The following DOK6 variants were observed in gnomAD, a reference collection of about 807,000 sequenced individuals.
DOK6 encodes downstream of tyrosine kinase 6.
A neutral mutation model predicts 44.0 loss-of-function variants in DOK6; 22 were observed. The observed-to-expected ratio is 0.50, with a 90% CI of 0.36 to 0.71. DOK6 has a LOEUF of 0.71. Among genes scored for constraint, DOK6 ranks in the 30% least tolerant of loss-of-function variants. DOK6 has a pLI of 0.00. For synonymous variants in DOK6, 166 were observed against 145.5 expected, an observed-to-expected ratio of 1.14 and a Z score of -1.01; for missense variants, 340 against 416.4, an observed-to-expected ratio of 0.82 and a Z score of 1.60.
intron 1 of DOK6, among the ~76,000 whole-genome samples, chr18:69,434,793 C>G (rs1450753704): frequency 6.6e-6 from 1 of 151,486 alleles, no homozygotes; most frequent in African/African-American, 2.4e-5. Flanking sequence ...ACTGTGGCAC[C>G]CGCCTGTAAT....
chr18:69,530,918 T>C (rs985872905), intron 1 of DOK6, among the ~76,000 whole-genome samples: 5 of 152,184 alleles, frequency 3.3e-5, no homozygotes, highest in African/African-American at 1.2e-4. Flanking sequence ...TGTAGGTCTC[T>C]AAGGACTTGC....
intron 1 of DOK6, among the ~76,000 whole-genome samples, chr18:69,529,270 C>T (rs914328646): frequency 6.6e-6 from 1 of 151,978 alleles, no homozygotes; most frequent in Non-Finnish European, 1.5e-5. Context: ...TTTTTTCCCT[C>T]ACCCTCCTAT....
intron 1 of DOK6, among the ~76,000 whole-genome samples, chr18:69,432,579 G>C (rs1978838643): frequency 6.6e-6 from 1 of 152,058 alleles, no homozygotes; most frequent in South Asian, 2.1e-4. Flanking sequence ...GAGAAGAGAG[G>C]GAATGAATAT....
chr18:69,625,423 A>G (rs184121256), intron 3 of DOK6, among the ~76,000 whole-genome samples: 1 of 152,260 alleles, frequency 6.6e-6, no homozygotes, highest in African/African-American at 2.4e-5. Flanking sequence ...TTCTGCTTTT[A>G]AAGATATGTT....
rs764965682 is a variant in DOK6, at chr18:69,846,175, C to T, written c.*4792C>T. On this transcript the variant is annotated 3_prime_UTR_variant, in exon 8 of 8. Coordinates refer to ENST00000382713, the MANE Select transcript of DOK6 (RefSeq NM_152721.6). Reference sequence around the variant, plus strand: ...TTTATAGACTCTTATGGAAGTTGGGCACATTTCCCAGGCAGGTGGAATGCT... The same window carrying T: ...TTTATAGACTCTTATGGAAGTTGGGTACATTTCCCAGGCAGGTGGAATGCT... The T allele has an allele frequency of 6.6e-6, 1 of 152,214 alleles. No individual in the cohort carries two copies. Among genetic ancestry groups the T allele is most frequent in the Non-Finnish European group, 1.5e-5 (1 of 68,060 alleles). The allele number at this position is 152,214 out of a possible 1,614,324, so 9.4% of individuals were successfully genotyped here.
At chr18:69,819,683 G>A (rs1444563871) in intron 7 of DOK6, among the ~76,000 whole-genome samples, 9 of 152,006 alleles carry the variant, frequency 5.9e-5, no homozygotes, top group Non-Finnish European at 4.4e-5. Context: ...CCTCCTGCCC[G>A]TAGACCTTGA....
rs1421232498 is a variant in DOK6 at position 69,698,597 on chromosome 18, A to G, written c.599+4A>G. ...GGTTCACGTTTGAGTCAGGAAGGTA[A>G]GATCTAGTGCAGCAGCCAAGTGCAG... On this transcript the variant is annotated splice_donor_region_variant and intron_variant, in intron 5 of 7. Transcript: ENST00000382713. The G allele has an allele frequency of 6.2e-7, 1 of 1,612,278 alleles. No individual in the cohort carries two copies. The highest frequency in any genetic ancestry group is 8.5e-7 in the Non-Finnish European group (1 of 1,179,302).
chr18:69,701,185 T>C (rs546571959), intron 5 of DOK6, among the ~76,000 whole-genome samples: 2 of 152,344 alleles, frequency 1.3e-5, no homozygotes, highest in Admixed American at 1.3e-4. Context: ...TATAATTATA[T>C]GCCATAAGTC....
chr18:69,758,457 G>T (rs1364390406), intron 7 of DOK6, among the ~76,000 whole-genome samples: 1 of 143,886 alleles, frequency 6.9e-6, no homozygotes, highest in East Asian at 2.1e-4. Flanking sequence ...CTTGCCAGAT[G>T]AATCAAATTA....
chr18:69,564,516 G>A lies in DOK6; in HGVS notation c.96G>A (p.Lys32=), dbSNP rs1982922672. 1.9e-6 allele frequency: 3 copies of A among 1,613,844 alleles called. No individual in the cohort carries two copies. Among genetic ancestry groups the A allele is most frequent in the Non-Finnish European group, 1.7e-6 (2 of 1,179,890 alleles). The change falls in exon 2 of 8, where the codon AAG becomes AAA. Residue 32 remains lysine, a synonymous_variant. Transcript: ENST00000382713. ...TCAGACGATGCTGGTTGGTTTTCAAGAAGGCTTCTAGCAAAGGACCCAGAA... is the reference window on the plus strand; with the variant it reads ...TCAGACGATGCTGGTTGGTTTTCAAAAAGGCTTCTAGCAAAGGACCCAGAA... ...GIFRRCWLVF[K]KASSKGPRRL... is the part of the protein sequence containing the mutation.
At chr18:69,605,831 A>G (rs1983981799) in intron 3 of DOK6, among the ~76,000 whole-genome samples, 1 of 152,192 alleles carries the variant, frequency 6.6e-6, no homozygotes, top group African/African-American at 2.4e-5. Context: ...GAAGACGGAA[A>G]GCTTTCCTGC....
chr18:69,471,210 A>G (rs1213361146), intron 1 of DOK6, among the ~76,000 whole-genome samples: 3 of 131,154 alleles, frequency 2.3e-5, no homozygotes, highest in Admixed American at 9.3e-5. Flanking sequence ...AGATCGCGCC[A>G]TTGCACTCTA....
At chr18:69,724,353 T>C (rs149042365) in intron 5 of DOK6, among the ~76,000 whole-genome samples, 18 of 152,308 alleles carry the variant, frequency 1.2e-4, no homozygotes, top group African/African-American at 2.9e-4. Flanking sequence ...AATCTTTTGT[T>C]CATAGAGAAG....
chr18:69,482,072 T>A (rs1426125889), intron 1 of DOK6, among the ~76,000 whole-genome samples: 1 of 152,196 alleles, frequency 6.6e-6, no homozygotes, highest in Non-Finnish European at 1.5e-5. Context: ...ATGGGGTTGT[T>A]TGTTTTTTTC....
At chr18:69,752,632 A>G (rs1346477713) in intron 6 of DOK6, among the ~76,000 whole-genome samples, 1 of 152,194 alleles carries the variant, frequency 6.6e-6, no homozygotes, top group African/African-American at 2.4e-5. Context: ...AAGAGATAGG[A>G]AGAGTAGAGA....
At chr18:69,431,732 C>T (rs1978811879) in intron 1 of DOK6, among the ~76,000 whole-genome samples, 1 of 152,028 alleles carries the variant, frequency 6.6e-6, no homozygotes, top group South Asian at 2.1e-4. Flanking sequence ...TAATTACTGC[C>T]TACTGTTGAA....
At chr18:69,652,892 G>T (rs1023398365) in intron 3 of DOK6, among the ~76,000 whole-genome samples, 1 of 151,984 alleles carries the variant, frequency 6.6e-6, no homozygotes. Context: ...AATCAGTTTC[G>T]AATAGTAAGG....
At position 69,723,378 on chromosome 18, in the gene DOK6, G is replaced by A. The variant is rs117550075; in HGVS notation, c.600-15587G>A. Among the ~76,000 whole-genome samples the A allele has an allele frequency of 5.8e-3, 880 of 152,312 alleles. 2 individuals carry two copies. The highest frequency in any genetic ancestry group is 0.014 in the Middle Eastern group (4 of 294). Reference sequence around the variant, plus strand: ...TCCATTGTTGTCTGTGTTGGTGAAAGCACAGGCAGATTTCCTCCATGGAAA... The same window carrying A: ...TCCATTGTTGTCTGTGTTGGTGAAAACACAGGCAGATTTCCTCCATGGAAA... On this transcript the variant is annotated intron_variant, in intron 5 of 7. Coordinates refer to ENST00000382713, the MANE Select transcript of DOK6 (RefSeq NM_152721.6).
chr18:69,412,655 TA>T (rs1159746006), intron 1 of DOK6, among the ~76,000 whole-genome samples: 1 of 151,956 alleles, frequency 6.6e-6, no homozygotes, highest in Non-Finnish European at 1.5e-5. Context: ...CCTCCATAAG[TA>T]AAAAAATAAA....
Sources: allele counts gnomAD v4.1 joint callset (sites outside exome capture counted in the v4.1 genomes callset), GRCh38; gene constraint gnomAD v4.1.1; transcripts MANE v1.5; gene names NCBI Gene and HGNC (gene_info 2026-07-23, HGNC 2026-07-21).